Variants in TSPAN5 observed in about 807,000 individuals in gnomAD.
TSPAN5 encodes the protein tetraspanin-5.
Under a neutral mutation model 37.1 loss-of-function variants are expected in TSPAN5, and 10 were observed. That is an observed-to-expected ratio of 0.27 (90% CI 0.17 to 0.46). The LOEUF (loss-of-function observed/expected upper bound fraction) is 0.46, where lower values mean the gene tolerates loss of function less well. TSPAN5 is among the 20% of genes least tolerant of loss of function. The pLI is 1.00. For synonymous variants in TSPAN5, 110 were observed against 118.9 expected (o/e 0.93, Z 0.48); for missense variants, 195 against 326.6 (o/e 0.60, Z 3.11).
At chr4:98,526,836 G>A (rs17191936) in intron 1 of TSPAN5, among the ~76,000 whole-genome samples, 60,380 of 151,972 alleles carry the variant, frequency 0.4, 12,403 homozygotes, top group South Asian at 0.54. Context: ...AAATGGAATA[G>A]AATGCTATAG....
chr4:98,568,055 G>A (rs753260163), intron 1 of TSPAN5, among the ~76,000 whole-genome samples: 10 of 152,080 alleles, frequency 6.6e-5, no homozygotes, highest in Admixed American at 1.3e-4. Flanking sequence ...TAAAAAAAAG[G>A]AGTCACATCA....
intron 2 of TSPAN5, among the ~76,000 whole-genome samples, chr4:98,492,394 C>T (rs1369777230): frequency 6.6e-6 from 1 of 152,130 alleles, no homozygotes; most frequent in Non-Finnish European, 1.5e-5. Context: ...TCCAGTGGTT[C>T]CTGAGGCCTG....
chr4:98,592,398 G>T (rs1407534147), intron 1 of TSPAN5, among the ~76,000 whole-genome samples: 1 of 146,082 alleles, frequency 6.8e-6, no homozygotes, highest in Non-Finnish European at 1.5e-5. Flanking sequence ...AAAGGGCCTG[G>T]TTTACCTAAC....
At chr4:98,611,329 G>A (rs760153362) in intron 1 of TSPAN5, among the ~76,000 whole-genome samples, 23 of 152,140 alleles carry the variant, frequency 1.5e-4, no homozygotes, top group Non-Finnish European at 2.6e-4. Context: ...GGAGATGAAA[G>A]CACCCGGTCA....
chr4:98,541,541 G>T (rs1053521721), intron 1 of TSPAN5, among the ~76,000 whole-genome samples: 1 of 151,952 alleles, frequency 6.6e-6, no homozygotes, highest in Non-Finnish European at 1.5e-5. Context: ...GCTGGGCATG[G>T]TGGCATGCCT....
At chr4:98,474,743 G>T (rs116447427) in intron 7 of TSPAN5, among the ~76,000 whole-genome samples, 1 of 152,006 alleles carries the variant, frequency 6.6e-6, no homozygotes, top group Non-Finnish European at 1.5e-5. Context: ...GCATAATCAC[G>T]ACTCACTGCA....
chr4:98,501,647 GC>G (rs1753352114), intron 2 of TSPAN5, among the ~76,000 whole-genome samples: 1 of 152,304 alleles, frequency 6.6e-6, no homozygotes, highest in Non-Finnish European at 1.5e-5. Flanking sequence ...AAGTGCAAAG[GC>G]CCTGGGGTTG....
At chr4:98,571,373 T>C (rs1035517927) in intron 1 of TSPAN5, among the ~76,000 whole-genome samples, 1 of 150,064 alleles carries the variant, frequency 6.7e-6, no homozygotes, top group Non-Finnish European at 1.5e-5. Context: ...ACAGGGTTAC[T>C]GCAGGGGGGT....
intron 5 of TSPAN5, among the ~76,000 whole-genome samples, chr4:98,477,180 G>A (rs1752721006): frequency 6.6e-6 from 1 of 152,236 alleles, no homozygotes; most frequent in Non-Finnish European, 1.5e-5. Context: ...GCGACAGGAG[G>A]CGCACTGTGC....
At chr4:98,619,355 C>G (rs1756427560) in intron 1 of TSPAN5, among the ~76,000 whole-genome samples, 1 of 152,124 alleles carries the variant, frequency 6.6e-6, no homozygotes, top group Admixed American at 6.5e-5. Context: ...AGATTTACTG[C>G]TAAACTGAGA....
chr4:98,479,504 A>C (rs1038044810), intron 4 of TSPAN5, among the ~76,000 whole-genome samples: 2 of 152,184 alleles, frequency 1.3e-5, no homozygotes, highest in Non-Finnish European at 2.9e-5. Context: ...CAAGATTCCT[A>C]TCCCAGAAAA....
intron 1 of TSPAN5, among the ~76,000 whole-genome samples, chr4:98,520,232 G>A (rs1429767216): frequency 6.6e-6 from 1 of 152,226 alleles, no homozygotes; most frequent in East Asian, 1.9e-4. Flanking sequence ...TACACATTAA[G>A]TAGGGGAAGG....
chr4:98,525,433 G>A (rs1049342614), intron 1 of TSPAN5, among the ~76,000 whole-genome samples: 2 of 152,204 alleles, frequency 1.3e-5, no homozygotes, highest in African/African-American at 4.8e-5. Flanking sequence ...CTGTCTGAGT[G>A]AGTGTGGATG....
intron 3 of TSPAN5, among the ~76,000 whole-genome samples, chr4:98,485,783 T>G (rs1752947153): frequency 6.7e-6 from 1 of 148,862 alleles, no homozygotes; most frequent in African/African-American, 2.5e-5. Flanking sequence ...TTTTTTTTTT[T>G]TTAATGAGAA....
At chr4:98,619,040 T>A (rs766599134) in intron 1 of TSPAN5, among the ~76,000 whole-genome samples, 2 of 152,084 alleles carry the variant, frequency 1.3e-5, no homozygotes, top group Non-Finnish European at 2.9e-5. Flanking sequence ...ATAAACATGA[T>A]CAGCCCCATA....
Position 98,593,109 on chromosome 4 carries a change from G to C in TSPAN5, c.81+65037C>G, listed in dbSNP as rs1375437370. 4.1e-5 allele frequency among the ~76,000 whole-genome samples: 2 copies of C among 48,980 alleles called. 1 individual carries two copies. 32.1% of individuals were successfully genotyped at this position (48,980 alleles called of 152,430 possible). A position where few individuals can be genotyped will look rare whatever the true frequency, so the allele number is the denominator to read the frequency against. On this transcript the variant is annotated intron_variant, in intron 1 of 7. Transcript: ENST00000305798. ...TCCTCTCCAGCACCTGTTGTTTCCT[G>C]ACTTTTTAATGATTGCCATTCTAAC...
intron 1 of TSPAN5, among the ~76,000 whole-genome samples, chr4:98,599,848 G>A (rs1481959809): frequency 6.6e-6 from 1 of 152,180 alleles, no homozygotes; most frequent in African/African-American, 2.4e-5. Flanking sequence ...TTCTTGGGTT[G>A]TTTCCAGTTT....
intron 1 of TSPAN5, among the ~76,000 whole-genome samples, chr4:98,592,652 G>T (rs2110210716): frequency 7.5e-6 from 1 of 133,418 alleles, no homozygotes; most frequent in African/African-American, 2.9e-5. Context: ...TGATCTCATT[G>T]TTCAATTCCC....
At chr4:98,609,215 T>C (rs1380841727) in intron 1 of TSPAN5, among the ~76,000 whole-genome samples, 1 of 152,176 alleles carries the variant, frequency 6.6e-6, no homozygotes, top group East Asian at 1.9e-4. Flanking sequence ...AACCTTAAAA[T>C]ATATACACAT....
Sources: allele counts gnomAD v4.1 joint callset (sites outside exome capture counted in the v4.1 genomes callset), GRCh38; gene constraint gnomAD v4.1.1; transcripts MANE v1.5; gene names NCBI Gene and HGNC (gene_info 2026-07-23, HGNC 2026-07-21).